The following LCOR variants were observed in gnomAD, a reference collection of about 807,000 sequenced individuals.
LCOR encodes the protein ligand-dependent corepressor.
Under a neutral mutation model 64.4 loss-of-function variants are expected in LCOR, and 14 were observed. The ratio of observed to expected loss-of-function variants is 0.22; its 90% CI spans 0.14 to 0.34. The LOEUF (loss-of-function observed/expected upper bound fraction) is 0.34. Among genes scored for constraint, LCOR ranks in the 10% least tolerant of loss-of-function variants. LCOR has a pLI of 1.00. For missense variants in LCOR, 1,686 were observed against 1,765.3 expected (o/e 0.96, Z 0.80); for synonymous variants, 643 against 642.5 (o/e 1.00, Z -0.01).
chr10:96,987,568 C>G lies in LCOR; in HGVS notation c.*2434C>G, dbSNP rs1474168948. The G allele has an allele frequency of 6.6e-6, 1 of 152,136 alleles. No individual in the cohort carries two copies. Among genetic ancestry groups the G allele is most frequent in the Admixed American group, 6.5e-5 (1 of 15,272 alleles). The allele number at this position is 152,136 out of a possible 1,614,324, so 9.4% of individuals were successfully genotyped here. On this transcript the variant is annotated 3_prime_UTR_variant, in exon 8 of 8. Coordinates refer to ENST00000421806, the MANE Select transcript of LCOR (RefSeq NM_001346516.2). ...AATGTGTATGTATGTATTTTATATA[C>G]CTAACAATGCAATGGATCATCTTTA...
intron 2 of LCOR, among the ~76,000 whole-genome samples, chr10:96,895,708 C>A (rs1846524933): frequency 6.6e-6 from 1 of 152,134 alleles, no homozygotes; most frequent in South Asian, 2.1e-4. Flanking sequence ...CTCAATATAC[C>A]GTACTTCATA....
At chr10:96,871,811 T>A (rs1243711255) in intron 2 of LCOR, among the ~76,000 whole-genome samples, 1 of 150,620 alleles carries the variant, frequency 6.6e-6, no homozygotes, top group East Asian at 1.9e-4. Flanking sequence ...CAGTTATTGT[T>A]GAACCATGAT....
Position 96,989,249 on chromosome 10 carries a change from G to C in LCOR, c.*4115G>C, listed in dbSNP as rs1290576529. 1 of 152,160 alleles carries C rather than the reference G, an allele frequency of 6.6e-6. No homozygotes were observed. Among genetic ancestry groups the C allele is most frequent in the Admixed American group, 6.5e-5 (1 of 15,276 alleles). 9.4% of individuals were successfully genotyped at this position (152,160 alleles called of 1,614,324 possible). A position where few individuals can be genotyped will look rare whatever the true frequency, so the allele number is the denominator to read the frequency against. On this transcript the variant is annotated 3_prime_UTR_variant, in exon 8 of 8. Transcript: ENST00000421806. ...GAGCCGGAACCCATGAGCAAATAGG[G>C]ATTCAGAGTTCTAAAATTATGTGGC... is the stretch of plus-strand genomic sequence containing the variant.
At position 96,993,475 on chromosome 10, in the gene LCOR, C is replaced by T. The variant is rs1423684981; in HGVS notation, c.*8341C>T. 5 of 152,064 alleles carry T rather than the reference C, an allele frequency of 3.3e-5. No homozygotes were observed. The highest frequency in any genetic ancestry group is 6.5e-5 in the Admixed American group (1 of 15,268). 9.4% of individuals were successfully genotyped at this position (152,064 alleles called of 1,614,324 possible). On this transcript the variant is annotated 3_prime_UTR_variant, in exon 8 of 8. Transcript: ENST00000421806. ...TGCAGGAAGAAATAAATTTTGCTCT[C>T]GTCTAAATGTTCACAAGAAGTAATG...
At chr10:96,886,483 A>G (rs1361114713) in intron 2 of LCOR, among the ~76,000 whole-genome samples, 1 of 152,182 alleles carries the variant, frequency 6.6e-6, no homozygotes, top group Non-Finnish European at 1.5e-5. Context: ...AACTCATACT[A>G]TTTAGTTTAT....
chr10:96,984,629 T>G lies in LCOR; in HGVS notation c.4169T>G (p.Leu1390Trp). The change falls in exon 8 of 8, where the codon TTG becomes TGG. Residue 1390 changes from leucine to tryptophan, a missense_variant. By Grantham distance (61) the Leu-to-Trp change is moderately conservative. Transcript: ENST00000421806. Reference sequence around the variant, plus strand: ...AAGGGGAAGCAGGTGTCTGAAATCTTGCCTAAAGCAGAAGTTCAGAGTAAA... The same window carrying G: ...AAGGGGAAGCAGGTGTCTGAAATCTGGCCTAAAGCAGAAGTTCAGAGTAAA... ...GRKGKQVSEI[L>W]PKAEVQSKRK... is the part of the protein sequence containing the mutation. 6.2e-7 allele frequency: 1 copy of G among 1,614,164 alleles called. No individual in the cohort carries two copies. Among genetic ancestry groups the G allele is most frequent in the East Asian group, 2.2e-5 (1 of 44,878 alleles).
chr10:96,893,284 C>T (rs1846477105), intron 2 of LCOR, among the ~76,000 whole-genome samples: 2 of 152,116 alleles, frequency 1.3e-5, no homozygotes, highest in South Asian at 4.1e-4. Flanking sequence ...TCTTTTAAGT[C>T]ATATAGGGAA....
Position 96,966,957 on chromosome 10 carries a change from AAC to A in LCOR, c.333-13835_333-13834del, listed in dbSNP as rs578149721. 2.2e-3 allele frequency among the ~76,000 whole-genome samples: 328 copies of A among 152,310 alleles called. 1 individual carries two copies. The highest frequency in any genetic ancestry group is 7.4e-3 in the African/African-American group (307 of 41,572). ...CAGTACGTTGCCCTGGCTGGTCTCG[AAC>A]TCCTGAGCACAAGTGATTTCTCCCA... On this transcript the variant is annotated intron_variant, in intron 7 of 7. Coordinates refer to ENST00000421806, the MANE Select transcript of LCOR (RefSeq NM_001346516.2).
intron 7 of LCOR, among the ~76,000 whole-genome samples, chr10:96,967,086 G>A (rs1442633947): frequency 6.6e-6 from 1 of 152,180 alleles, no homozygotes; most frequent in East Asian, 1.9e-4. Flanking sequence ...TTCTTGACTA[G>A]TCATTTTTTA....
intron 7 of LCOR, among the ~76,000 whole-genome samples, chr10:96,967,608 C>A (rs1847962625): frequency 6.6e-6 from 1 of 151,944 alleles, no homozygotes; most frequent in South Asian, 2.1e-4. Flanking sequence ...GAGACAAATA[C>A]ACAAATCGTA....
At chr10:96,861,102 G>C (rs892604219) in intron 2 of LCOR, among the ~76,000 whole-genome samples, 5 of 152,068 alleles carry the variant, frequency 3.3e-5, no homozygotes, top group Admixed American at 3.3e-4. Flanking sequence ...TATTCTTTTG[G>C]TTTCTAATTT....
rs578249941 is a variant in LCOR at position 96,985,424 on chromosome 10, G to C, written c.*290G>C. On this transcript the variant is annotated 3_prime_UTR_variant, in exon 8 of 8. Transcript: ENST00000421806. The stretch of plus-strand genomic sequence containing the variant: ...GTACAGTGCCTTATTTATCCTTTTT[G>C]TTTTTAAATTTACAAAAGCTAAAAA... The C allele has an allele frequency of 3.0e-5, 8 of 265,350 alleles. No individual in the cohort carries two copies. Among genetic ancestry groups the C allele is most frequent in the Admixed American group, 1.5e-4 (3 of 19,504 alleles). The allele number at this position is 265,350 out of a possible 1,614,324, so 16.4% of individuals were successfully genotyped here.
chr10:96,878,565 G>GGGT (rs999659116), intron 2 of LCOR, among the ~76,000 whole-genome samples: 4 of 152,246 alleles, frequency 2.6e-5, no homozygotes, highest in Admixed American at 1.3e-4. Flanking sequence ...GGAGGAGACT[G>GGGT]GGTGGCACAG....
At chr10:96,920,512 A>T (rs1384773448) in intron 4 of LCOR, among the ~76,000 whole-genome samples, 1 of 143,536 alleles carries the variant, frequency 7.0e-6, no homozygotes, top group African/African-American at 2.6e-5. Flanking sequence ...ATATGTATGT[A>T]TATTCAGATA....
chr10:96,952,258 C>A, intron 7 of LCOR, 62 bp downstream of exon 7: 1 of 1,095,960 alleles, frequency 9.1e-7, no homozygotes. Flanking sequence ...AAGGTTGATG[C>A]CAGTCTCCCT....
chr10:96,893,318 A>G (rs1177562927), intron 2 of LCOR, among the ~76,000 whole-genome samples: 1 of 152,204 alleles, frequency 6.6e-6, no homozygotes. Context: ...AACAAACTGA[A>G]AACATAACCT....
At chr10:96,892,320 C>CT (rs1228797916) in intron 2 of LCOR, among the ~76,000 whole-genome samples, 3 of 152,070 alleles carry the variant, frequency 2.0e-5, no homozygotes, top group Non-Finnish European at 1.5e-5. Context: ...TTGATTGACT[C>CT]TTATCATTAT....
intron 7 of LCOR, chr10:96,955,220 C>T: frequency 1.2e-6 from 2 of 1,614,172 alleles, no homozygotes; most frequent in Non-Finnish European, 1.7e-6. Flanking sequence ...AACCACATTA[C>T]GAGTTCAACC....
chr10:96,854,284 A>G (rs1047968481), intron 2 of LCOR, among the ~76,000 whole-genome samples: 5 of 152,184 alleles, frequency 3.3e-5, no homozygotes, highest in Non-Finnish European at 7.3e-5. Flanking sequence ...CATGGAGCGA[A>G]AAAGAATTGG....
Sources: gnomAD v4.1 joint callset for allele counts (sites outside exome capture counted in the v4.1 genomes callset) on GRCh38, gnomAD v4.1.1 for gene constraint, MANE v1.5 for transcripts, NCBI Gene and HGNC (gene_info 2026-07-23, HGNC 2026-07-21) for gene names.